Variants in TK1 observed in about 807,000 individuals in gnomAD.
The protein encoded by TK1 is thymidine kinase 1.
A neutral mutation model predicts 22.4 loss-of-function variants in TK1; 13 were observed. That is an observed-to-expected ratio of 0.58 (90% CI 0.38 to 0.92). The LOEUF (loss-of-function observed/expected upper bound fraction) is 0.92. Ranked by LOEUF, TK1 falls within the 40% of genes least tolerant of loss-of-function variation. The pLI is 0.00. For synonymous variants in TK1, 134 were observed against 125.4 expected, an observed-to-expected ratio of 1.07 and a Z score of -0.46; for missense variants, 251 against 315.7, an observed-to-expected ratio of 0.80 and a Z score of 1.55.
chr17:78,182,167 G>C (rs1313812621), intron 4 of TK1, among the ~76,000 whole-genome samples: 1 of 152,060 alleles, frequency 6.6e-6, no homozygotes, highest in Non-Finnish European at 1.5e-5. Flanking sequence ...CTGAGGTTGG[G>C]AGTTTGAGAC....
At chr17:78,179,276 A>T (rs1326010701) in intron 4 of TK1, 1 of 985,322 alleles carries the variant, frequency 1.0e-6, no homozygotes, top group African/African-American at 1.7e-5. Flanking sequence ...TTCTGAGGCC[A>T]CAGTTTGGGA....
intron 4 of TK1, among the ~76,000 whole-genome samples, chr17:78,180,307 G>A (rs969677470): frequency 6.6e-6 from 1 of 152,228 alleles, no homozygotes; most frequent in African/African-American, 2.4e-5. Context: ...CTGGAACCAC[G>A]TAGGGGGTCT....
At chr17:78,177,111 A>G (rs1465348294) in intron 4 of TK1, among the ~76,000 whole-genome samples, 2 of 152,026 alleles carry the variant, frequency 1.3e-5, no homozygotes, top group Non-Finnish European at 2.9e-5. Flanking sequence ...GCACTTCCCC[A>G]CCCGTCCAGC....
Position 78,178,352 on chromosome 17 carries a change from T to A in TK1, c.304-2734A>T, listed in dbSNP as rs1004130978. 5.3e-5 allele frequency among the ~76,000 whole-genome samples: 8 copies of A among 152,166 alleles called. No individual in the cohort carries two copies. The East Asian group carries it at 1.5e-3, about 29-fold the overall frequency. On this transcript the variant is annotated intron_variant, in intron 4 of 6. Transcript: ENST00000301634. ...GATTTCCAGGTGAGTCTCTCTTGGA[T>A]GCCAACAGTTTCTACAGAGCAGTGT...
chr17:78,174,160 A>G lies in TK1; in HGVS notation c.*599T>C, dbSNP rs570671802. ...GACCCTGCCCTCTCCACACTTGAAG[A>G]GATAAGCCCCTGGGATCCAAGTCCC... On this transcript the variant is annotated 3_prime_UTR_variant, in exon 7 of 7. Coordinates refer to ENST00000301634, the MANE Select transcript of TK1 (RefSeq NM_003258.5). 4 of 152,718 alleles carry G rather than the reference A, an allele frequency of 2.6e-5. No homozygotes were observed. The highest frequency in any genetic ancestry group is 1.3e-4 in the Admixed American group (2 of 15,310). 9.5% of individuals were successfully genotyped at this position (152,718 alleles called of 1,614,324 possible).
intron 2 of TK1, 99 bp from the exon 3 acceptor site, chr17:78,185,264 A>G: frequency 1.2e-6 from 1 of 844,452 alleles, no homozygotes; most frequent in East Asian, 2.6e-5. Context: ...CCCTAGTGGT[A>G]TGCAGACTGA....
At chr17:78,177,380 G>A (rs1276851138) in intron 4 of TK1, among the ~76,000 whole-genome samples, 1 of 152,202 alleles carries the variant, frequency 6.6e-6, no homozygotes, top group Non-Finnish European at 1.5e-5. Context: ...CTCAGGCTAT[G>A]TGCCTAAGAT....
At position 78,186,926 on chromosome 17, in the gene TK1, C is replaced by G; in HGVS notation, c.66+3G>C. 6.4e-7 allele frequency: 1 copy of G among 1,568,654 alleles called. No homozygotes were observed. Among genetic ancestry groups the G allele is most frequent in the Non-Finnish European group, 8.6e-7 (1 of 1,157,186 alleles). On this transcript the variant is annotated splice_donor_region_variant and intron_variant, in intron 1 of 6. Transcript: ENST00000301634. Reference sequence around the variant, plus strand: ...CAGCCACGCGCAGGGCTGGCCCCCGCACCTGGATCTGCCCCCGGGTCTTGC... The same window carrying G: ...CAGCCACGCGCAGGGCTGGCCCCCGGACCTGGATCTGCCCCCGGGTCTTGC...
At chr17:78,180,086 C>T (rs9897269) in intron 4 of TK1, among the ~76,000 whole-genome samples, 19,028 of 152,142 alleles carry the variant, frequency 0.13, 1,964 homozygotes, top group African/African-American at 0.25. Flanking sequence ...AAACAAAAAA[C>T]GAACTGGACT....
intron 4 of TK1, chr17:78,179,551 C>G: frequency 1.0e-6 from 1 of 985,428 alleles, no homozygotes; most frequent in African/African-American, 1.7e-5. Context: ...AGGGACCCGT[C>G]AGCCTCCCCA....
In TK1 at chr17:78,186,955, G is replaced by A; in HGVS notation, c.40C>T (p.Pro14Ser). The A allele has an allele frequency of 6.4e-7, 1 of 1,574,788 alleles. No homozygotes were observed. Among genetic ancestry groups the A allele is most frequent in the Non-Finnish European group, 8.6e-7 (1 of 1,160,544 alleles). The change falls in exon 1 of 7, where the codon CCC becomes TCC. Residue 14 changes from proline to serine, a missense_variant. Physicochemically the swap from Pro to Ser is moderately conservative, Grantham distance 74. Transcript: ENST00000301634. ...TGGATCTGCCCCCGGGTCTTGCTGG[G>A]GGAGCCAGGCAGCACAGTGGGCAGG... ...INLPTVLPGS[P>S]SKTRGQIQVI...
chr17:78,177,757 G>A (rs1271448406), intron 4 of TK1, among the ~76,000 whole-genome samples: 1 of 151,914 alleles, frequency 6.6e-6, no homozygotes. Context: ...TGTATTTTCA[G>A]TAGAGACGGG....
At position 78,174,757 on chromosome 17, in the gene TK1, C is replaced by G; in HGVS notation, c.*2G>C. ...AGGGAGCGGGCGGCCCTCGCAGGTC[C>G]CTCAGTTGGCAGGGCTGCATTGCAG... is the stretch of plus-strand genomic sequence containing the variant. On this transcript the variant is annotated 3_prime_UTR_variant, in exon 7 of 7. Coordinates refer to ENST00000301634, the MANE Select transcript of TK1 (RefSeq NM_003258.5). The G allele has an allele frequency of 2.5e-6, 4 of 1,598,416 alleles. No homozygotes were observed. Among genetic ancestry groups the G allele is most frequent in the South Asian group, 1.1e-5 (1 of 88,876 alleles).
At chr17:78,175,358 C>T (rs972390688) in intron 5 of TK1, among the ~76,000 whole-genome samples, 171 bp downstream of exon 5, 4 of 152,070 alleles carry the variant, frequency 2.6e-5, no homozygotes, top group Non-Finnish European at 5.9e-5. Context: ...CAACAGATGG[C>T]ACGCAGTCTG....
chr17:78,174,802 AGCTTCCTGGCAGCCACG>A lies in TK1; in HGVS notation c.645_661del (p.Val216LeufsTer145). On this transcript the variant is annotated frameshift_variant, in exon 7 of 7. Transcript: ENST00000301634. LOFTEE classifies it high-confidence loss of function. ...TTGCAGAATCTGCTGTGGGGCAAAG[AGCTTCCTGGCAGCCACG>A]GCTTCCCCTGGCTTTCCTGGCACTG... The A allele has an allele frequency of 6.2e-7, 1 of 1,612,726 alleles. No individual in the cohort carries two copies. The highest frequency in any genetic ancestry group is 8.5e-7 in the Non-Finnish European group (1 of 1,179,432).
intron 4 of TK1, among the ~76,000 whole-genome samples, chr17:78,178,819 A>G (rs2075719249): frequency 6.6e-6 from 1 of 152,046 alleles, no homozygotes; most frequent in South Asian, 2.1e-4. Flanking sequence ...TAATTTTTGT[A>G]TTTTTAGTAG....
intron 4 of TK1, among the ~76,000 whole-genome samples, chr17:78,176,322 T>A (rs971537676): frequency 6.6e-6 from 1 of 152,092 alleles, no homozygotes; most frequent in African/African-American, 2.4e-5. Flanking sequence ...ATCATATCAC[T>A]CTTAGCTGGT....
At chr17:78,186,706 AGG>A in intron 2 of TK1, 79 bp downstream of exon 2, 2 of 885,762 alleles carry the variant, frequency 2.3e-6, no homozygotes, top group Non-Finnish European at 3.0e-6. Context: ...AGGGGAGGGG[AGG>A]GAAGGGGAGG....
chr17:78,174,380 C>T lies in TK1; in HGVS notation c.*379G>A, dbSNP rs774261688. 3.4e-4 allele frequency: 74 copies of T among 216,662 alleles called. No individual in the cohort carries two copies. The highest frequency in any genetic ancestry group is 5.6e-4 in the Non-Finnish European group (61 of 108,890). The allele number at this position is 216,662 out of a possible 1,614,324, so 13.4% of individuals were successfully genotyped here. A position where few individuals can be genotyped will look rare whatever the true frequency, so the allele number is the denominator to read the frequency against. On this transcript the variant is annotated 3_prime_UTR_variant, in exon 7 of 7. Transcript: ENST00000301634. ...GTGGGCCAAGGCTCAAAGGTGCTGG[C>T]ACAGGCTTCCCAGGGAGAACAGAAA...
Sources: allele counts gnomAD v4.1 joint callset (sites outside exome capture counted in the v4.1 genomes callset), GRCh38; gene constraint gnomAD v4.1.1; transcripts MANE v1.5; gene names NCBI Gene and HGNC (gene_info 2026-07-23, HGNC 2026-07-21).